ABI1: variants seen among roughly 807,000 people sequenced by gnomAD.
ABI1 encodes the protein abl interactor 1.
A neutral mutation model predicts 54.6 loss-of-function variants in ABI1; 14 were observed. That is an observed-to-expected ratio of 0.26 (90% confidence interval 0.17 to 0.40). The LOEUF is 0.40. Among genes scored for constraint, ABI1 ranks in the 10% least tolerant of loss-of-function variants. ABI1 has a pLI of 1.00. For synonymous variants in ABI1, 194 were observed against 209.3 expected, an observed-to-expected ratio of 0.93 and a Z score of 0.63; for missense variants, 443 against 598.3, an observed-to-expected ratio of 0.74 and a Z score of 2.71.
chr10:26,803,923 A>G (rs2046718490), intron 2 of ABI1, among the ~76,000 whole-genome samples: 1 of 152,192 alleles, frequency 6.6e-6, no homozygotes, highest in African/African-American at 2.4e-5. Flanking sequence ...ATACAAATAA[A>G]CATAATTACA....
rs548665003 is a variant in ABI1 at position 26,766,758 on chromosome 10, A to G, written c.720-1440T>C. Among the ~76,000 whole-genome samples the G allele has an allele frequency of 2.0e-5, 3 of 152,286 alleles. No individual in the cohort carries two copies. In the East Asian group the frequency reaches 5.8e-4, roughly 29 times the overall value. On this transcript the variant is annotated intron_variant, in intron 6 of 10. Coordinates refer to ENST00000376140, the MANE Select transcript of ABI1 (RefSeq NM_001012750.3). ...ATGGCCTGTGGGCTAAAACTGGTCC[A>G]TTGCCTGATTTTTACTACCTGTGAG...
intron 8 of ABI1, among the ~76,000 whole-genome samples, chr10:26,757,674 A>G (rs1257746571): frequency 6.6e-6 from 1 of 152,220 alleles, no homozygotes; most frequent in African/African-American, 2.4e-5. Context: ...AAAAAGCTAT[A>G]TAAATTTTGG....
At chr10:26,750,324 T>C (rs1041230698) in intron 10 of ABI1, among the ~76,000 whole-genome samples, 2 of 152,064 alleles carry the variant, frequency 1.3e-5, no homozygotes, top group African/African-American at 4.8e-5. Flanking sequence ...CAAAACCCCA[T>C]CTCTACTAAA....
chr10:26,818,631 C>CAAAAATAAAAAA (rs2047747816), intron 2 of ABI1, among the ~76,000 whole-genome samples: 1 of 73,092 alleles, frequency 1.4e-5, no homozygotes, highest in African/African-American at 5.5e-5. Flanking sequence ...GACCCCGTCA[C>CAAAAATAAAAAA]AAAAAAAAAA....
chr10:26,758,217 A>G (rs1312944801), intron 8 of ABI1, among the ~76,000 whole-genome samples: 1 of 152,166 alleles, frequency 6.6e-6, no homozygotes, highest in Non-Finnish European at 1.5e-5. Context: ...TTATATAAAC[A>G]AAAATAACAT....
intron 2 of ABI1, among the ~76,000 whole-genome samples, chr10:26,812,657 A>T (rs1020981896): frequency 2.0e-5 from 3 of 152,226 alleles, no homozygotes; most frequent in African/African-American, 7.2e-5. Context: ...GGAAGCTACA[A>T]GTCCAAGATC....
chr10:26,799,201 G>C (rs1292253866), intron 2 of ABI1, among the ~76,000 whole-genome samples: 2 of 151,534 alleles, frequency 1.3e-5, no homozygotes, highest in African/African-American at 4.8e-5. Context: ...CTGTCATCCA[G>C]ACAAATCTTT....
intron 1 of ABI1, among the ~76,000 whole-genome samples, chr10:26,854,304 C>T (rs1228764332): frequency 1.3e-5 from 2 of 151,890 alleles, no homozygotes; most frequent in African/African-American, 4.8e-5. Context: ...AAAGAGAAGA[C>T]ATTAGTTTTA....
intron 2 of ABI1, among the ~76,000 whole-genome samples, chr10:26,810,470 A>T (rs1344750022): frequency 6.6e-6 from 1 of 152,246 alleles, no homozygotes; most frequent in Non-Finnish European, 1.5e-5. Context: ...AACACTTTTT[A>T]AATTTTTTGA....
intron 1 of ABI1, among the ~76,000 whole-genome samples, chr10:26,858,587 C>T (rs994839798): frequency 7.3e-6 from 1 of 136,300 alleles, no homozygotes; most frequent in Admixed American, 8.2e-5. Context: ...TGTGGCTATT[C>T]GTGCACCATG....
intron 2 of ABI1, among the ~76,000 whole-genome samples, chr10:26,789,526 T>C (rs1395080546): frequency 2.0e-5 from 3 of 152,202 alleles, no homozygotes; most frequent in Non-Finnish European, 4.4e-5. Flanking sequence ...AATCCCCTTT[T>C]CAGTTTTGAA....
chr10:26,826,896 T>C (rs2048334160), intron 1 of ABI1, among the ~76,000 whole-genome samples: 1 of 151,092 alleles, frequency 6.6e-6, no homozygotes, highest in African/African-American at 2.4e-5. Context: ...TAAGGGAATA[T>C]TGTGGCTAGT....
At chr10:26,846,886 C>A (rs1373770135) in intron 1 of ABI1, among the ~76,000 whole-genome samples, 1 of 152,124 alleles carries the variant, frequency 6.6e-6, no homozygotes, top group Non-Finnish European at 1.5e-5. Flanking sequence ...TATATTCACC[C>A]TTCAGATCTC....
chr10:26,754,725 G>A (rs1486787483), intron 9 of ABI1, among the ~76,000 whole-genome samples: 3 of 152,154 alleles, frequency 2.0e-5, no homozygotes, highest in Non-Finnish European at 4.4e-5. Flanking sequence ...TTATTTTCAT[G>A]GTGATGGTCC....
chr10:26,791,068 C>CAAAAA (rs369738380), intron 2 of ABI1, among the ~76,000 whole-genome samples: 25 of 59,102 alleles, frequency 4.2e-4, no homozygotes, highest in South Asian at 7.1e-4. Context: ...GATTCCGTCT[C>CAAAAA]AAAAAAAAAA....
At chr10:26,822,402 A>G (rs1213452932) in intron 2 of ABI1, among the ~76,000 whole-genome samples, 2 of 141,658 alleles carry the variant, frequency 1.4e-5, no homozygotes, top group Admixed American at 7.1e-5. Context: ...TGACCACACA[A>G]AGATTTGCAT....
At chr10:26,854,122 C>G (rs1024605305) in intron 1 of ABI1, among the ~76,000 whole-genome samples, 9 of 152,150 alleles carry the variant, frequency 5.9e-5, no homozygotes, top group African/African-American at 1.7e-4. Flanking sequence ...AACTGGAGAA[C>G]GCAGAAGCAC....
chr10:26,787,863 TAAA>T (rs771095970), intron 2 of ABI1, among the ~76,000 whole-genome samples: 3 of 133,464 alleles, frequency 2.2e-5, no homozygotes, highest in Non-Finnish European at 4.9e-5. Flanking sequence ...ACCCACTGGT[TAAA>T]AAAAAAAAAA....
At position 26,821,167 on chromosome 10, in the gene ABI1, CCTGAAAG is replaced by C. The variant is rs1202466015; in HGVS notation, c.285+1964_285+1970del. ...AGGTAAGGCACAAGAAAGGCTTGAA[CCTGAAAG>C]ATGGAGGTTGCAGTGAGCCGAGATC... On this transcript the variant is annotated intron_variant, in intron 2 of 10. Coordinates refer to ENST00000376140, the MANE Select transcript of ABI1 (RefSeq NM_001012750.3). 3.4e-5 allele frequency among the ~76,000 whole-genome samples: 5 copies of C among 148,446 alleles called. No homozygotes were observed. In the East Asian group the frequency reaches 1.0e-3, roughly 30 times the overall value.
Sources: allele counts gnomAD v4.1 joint callset (sites outside exome capture counted in the v4.1 genomes callset), GRCh38; gene constraint gnomAD v4.1.1; transcripts MANE v1.5; gene names NCBI Gene and HGNC (gene_info 2026-07-23, HGNC 2026-07-21).